MAGI2: variants seen among roughly 807,000 people sequenced by gnomAD.
MAGI2 encodes the protein membrane associated guanylate kinase, WW and PDZ domain containing 2, also known as membrane-associated guanylate kinase, WW and PDZ domain-containing protein 2.
A neutral mutation model predicts 133.3 loss-of-function variants in MAGI2; 35 were observed. The ratio of observed to expected loss-of-function variants is 0.26; its 90% CI spans 0.20 to 0.35. MAGI2 has a LOEUF of 0.35. MAGI2 is among the 10% of genes least tolerant of loss of function. MAGI2 has a pLI of 1.00. For missense variants in MAGI2, 1,636 were observed against 1,863.4 expected, an observed-to-expected ratio of 0.88 and a Z score of 2.25; for synonymous variants, 729 against 710.6, an observed-to-expected ratio of 1.03 and a Z score of -0.41.
At chr7:78,701,350 G>T (rs963588081) in intron 2 of MAGI2, among the ~76,000 whole-genome samples, 2 of 151,912 alleles carry the variant, frequency 1.3e-5, no homozygotes, top group African/African-American at 4.8e-5. Flanking sequence ...AAATTTGAGA[G>T]ATTTGGTTAA....
chr7:78,775,966 G>A (rs915358028), intron 2 of MAGI2, among the ~76,000 whole-genome samples: 2 of 152,176 alleles, frequency 1.3e-5, no homozygotes, highest in Non-Finnish European at 2.9e-5. Flanking sequence ...AAAAGGCTCA[G>A]TCTTAGGAAC....
chr7:78,057,544 G>A (rs6958035), intron 21 of MAGI2, among the ~76,000 whole-genome samples: 1 of 151,436 alleles, frequency 6.6e-6, no homozygotes, highest in Non-Finnish European at 1.5e-5. Flanking sequence ...CCATCCACTG[G>A]TGTGAGGTGA....
intron 9 of MAGI2, among the ~76,000 whole-genome samples, chr7:78,266,864 G>T (rs896128437): frequency 6.6e-6 from 1 of 152,108 alleles, no homozygotes; most frequent in Non-Finnish European, 1.5e-5. Context: ...GAGCCACCAT[G>T]CCTGGCCAAA....
chr7:78,657,071 T>TGG lies in MAGI2; in HGVS notation c.419-29833_419-29832insCC, dbSNP rs1247859967. Among the ~76,000 whole-genome samples the TGG allele has an allele frequency of 4.0e-5, 6 of 150,480 alleles. No individual in the cohort carries two copies. The East Asian group carries it at 1.2e-3, about 29-fold the overall frequency. On this transcript the variant is annotated intron_variant, in intron 2 of 21. Transcript: ENST00000354212. ...ATACAGGAGATGGCAAATAAGAATA[T>TGG]CAAATGATGATCCATATCATATGTC...
intron 5 of MAGI2, among the ~76,000 whole-genome samples, chr7:78,491,175 T>C (rs1228570906): frequency 6.6e-6 from 1 of 152,144 alleles, no homozygotes; most frequent in East Asian, 1.9e-4. Flanking sequence ...ACCCAGGCAG[T>C]ATATTTAATC....
chr7:79,294,177 CAAAA>C (rs61385536), intron 1 of MAGI2, among the ~76,000 whole-genome samples: 2 of 65,378 alleles, frequency 3.1e-5, no homozygotes, highest in Admixed American at 1.8e-4. Flanking sequence ...GACTCCGTCT[CAAAA>C]AAAAAAAAAA....
rs141585810 is a variant in MAGI2 at position 78,434,484 on chromosome 7, G to C, written c.1045+55277C>G. 4.1e-3 allele frequency among the ~76,000 whole-genome samples: 628 copies of C among 152,184 alleles called. 3 individuals carry two copies. Among genetic ancestry groups the C allele is most frequent in the African/African-American group, 0.014 (571 of 41,542 alleles). On this transcript the variant is annotated intron_variant, in intron 6 of 21. Transcript: ENST00000354212. The stretch of plus-strand genomic sequence containing the variant: ...TTCACTGGCTTGGGCAGCTCCCCCT[G>C]GTGAGGGAAAAAGAAACACTTCAAT...
Position 78,573,280 on chromosome 7 carries a change from AT to A in MAGI2, c.539-51636del, listed in dbSNP as rs1801837908. Among the ~76,000 whole-genome samples the A allele has an allele frequency of 7.0e-5, 4 of 56,956 alleles. No homozygotes were observed. The South Asian group carries it at 1.6e-3, about 23-fold the overall frequency. The allele number at this position is 56,956 out of a possible 152,430, so 37.4% of individuals were successfully genotyped here. On this transcript the variant is annotated intron_variant, in intron 3 of 21. Coordinates refer to ENST00000354212, the MANE Select transcript of MAGI2 (RefSeq NM_012301.4). The stretch of plus-strand genomic sequence containing the variant: ...TAAATATAAATATATATAAATATAT[AT>A]ATTTATATAAATATATATATTTATA...
intron 6 of MAGI2, among the ~76,000 whole-genome samples, chr7:78,452,666 T>C (rs747561745): frequency 1.3e-5 from 2 of 151,698 alleles, no homozygotes; most frequent in African/African-American, 4.8e-5. Context: ...AAAGCAACCA[T>C]CCCTTTAAGA....
intron 2 of MAGI2, among the ~76,000 whole-genome samples, chr7:78,662,184 T>A (rs1585006964): frequency 6.6e-6 from 1 of 152,210 alleles, no homozygotes; most frequent in East Asian, 1.9e-4. Context: ...TTTTAGGGTG[T>A]AAAGTACTTT....
chr7:78,286,655 G>C (rs1796171553), intron 9 of MAGI2, among the ~76,000 whole-genome samples: 1 of 152,036 alleles, frequency 6.6e-6, no homozygotes, highest in Admixed American at 6.6e-5. Context: ...GGGCTGTGGG[G>C]GCATGTCTGG....
intron 21 of MAGI2, among the ~76,000 whole-genome samples, chr7:78,054,055 C>G (rs545367363): frequency 6.6e-6 from 1 of 152,014 alleles, no homozygotes; most frequent in Non-Finnish European, 1.5e-5. Context: ...TGGAGGAAAC[C>G]AGGCCTTTCA....
In MAGI2 at chr7:78,532,915, T is replaced by C. The variant is rs542360040; in HGVS notation, c.539-11270A>G. Among the ~76,000 whole-genome samples, 10 of 152,122 alleles carry C rather than the reference T, an allele frequency of 6.6e-5. No homozygotes were observed. The South Asian group carries it at 2.1e-3, about 31-fold the overall frequency. On this transcript the variant is annotated intron_variant, in intron 3 of 21. Coordinates refer to ENST00000354212, the MANE Select transcript of MAGI2 (RefSeq NM_012301.4). The stretch of plus-strand genomic sequence containing the variant: ...TGACAAAGAAAACTCTGAACTCATT[T>C]TATATTTAAAACTCTGGAAATCAAC...
intron 3 of MAGI2, chr7:78,616,997 GAATA>G (rs1206184948): frequency 1.4e-4 from 22 of 152,090 alleles, no homozygotes; most frequent in Admixed American, 2.6e-4. Context: ...AATGGATACA[GAATA>G]AATGGTCAAT....
chr7:78,127,999 ACAAAC>A (rs1442255706), intron 18 of MAGI2, among the ~76,000 whole-genome samples: 2 of 152,310 alleles, frequency 1.3e-5, no homozygotes, highest in Admixed American at 1.3e-4. Flanking sequence ...ATCACCAACT[ACAAAC>A]CAAGTGGCAA....
intron 1 of MAGI2, among the ~76,000 whole-genome samples, chr7:79,360,198 G>C (rs1165118736): frequency 6.6e-6 from 1 of 151,998 alleles, no homozygotes; most frequent in Non-Finnish European, 1.5e-5. Flanking sequence ...ACCTAAAACA[G>C]AATGTTATAA....
At chr7:78,974,618 A>C (rs1255743861) in intron 2 of MAGI2, among the ~76,000 whole-genome samples, 4 of 151,872 alleles carry the variant, frequency 2.6e-5, no homozygotes, top group African/African-American at 9.7e-5. Context: ...CATTTTTAGC[A>C]CATTGGAAAA....
Position 79,172,650 on chromosome 7 carries a change from A to G in MAGI2, c.302-165444T>C, listed in dbSNP as rs183481640. Among the ~76,000 whole-genome samples, 304 of 152,220 alleles carry G rather than the reference A, an allele frequency of 2.0e-3. 2 individuals are homozygous for G. In the Middle Eastern group the frequency reaches 0.02, roughly 10 times the overall value. ...AAAATTCAGTAAATTTAAATAAATT[A>G]AAAAGGTATTTATGTAACATATTAA... On this transcript the variant is annotated intron_variant, in intron 1 of 21. Transcript: ENST00000354212.
At chr7:78,381,635 T>C (rs1339223949) in intron 6 of MAGI2, among the ~76,000 whole-genome samples, 2 of 152,148 alleles carry the variant, frequency 1.3e-5, no homozygotes, top group Admixed American at 6.6e-5. Flanking sequence ...AATAGAGGAA[T>C]ATGCAAAAGC....
Sources: gnomAD v4.1 joint callset for allele counts (sites outside exome capture counted in the v4.1 genomes callset) on GRCh38, gnomAD v4.1.1 for gene constraint, MANE v1.5 for transcripts, NCBI Gene and HGNC (gene_info 2026-07-23, HGNC 2026-07-21) for gene names.